The following PARD3B variants were observed in gnomAD, a reference collection of about 807,000 sequenced individuals.
PARD3B encodes partitioning defective 3 homolog B.
In PARD3B, 103 loss-of-function variants were observed where a neutral mutation model predicts 130.2. The ratio of observed to expected loss-of-function variants is 0.79; its 90% confidence interval spans 0.67 to 0.93. The LOEUF (loss-of-function observed/expected upper bound fraction) is 0.93. PARD3B is among the 40% of genes least tolerant of loss of function. The pLI is 0.00. For missense variants in PARD3B, 1,609 were observed against 1,499.2 expected (o/e 1.07, Z -1.21); for synonymous variants, 583 against 553.2 (o/e 1.05, Z -0.76).
At chr2:205,426,215 G>C (rs893154640) in intron 19 of PARD3B, among the ~76,000 whole-genome samples, 1 of 152,016 alleles carries the variant, frequency 6.6e-6, no homozygotes, top group Admixed American at 6.6e-5. Flanking sequence ...CACAAAGATT[G>C]CATGTAACAT....
At chr2:204,686,672 A>G (rs978672805) in intron 2 of PARD3B, among the ~76,000 whole-genome samples, 3 of 152,200 alleles carry the variant, frequency 2.0e-5, no homozygotes, top group Non-Finnish European at 4.4e-5. Flanking sequence ...ACAATGGGGC[A>G]GCAAGTTTTA....
At chr2:204,671,121 G>A (rs1481837099) in intron 1 of PARD3B, among the ~76,000 whole-genome samples, 1 of 152,114 alleles carries the variant, frequency 6.6e-6, no homozygotes, top group Non-Finnish European at 1.5e-5. Context: ...TTTTGGTGGA[G>A]CACATTCGTC....
At chr2:205,133,584 T>A (rs2032208915) in intron 10 of PARD3B, among the ~76,000 whole-genome samples, 1 of 152,228 alleles carries the variant, frequency 6.6e-6, no homozygotes, top group Non-Finnish European at 1.5e-5. Context: ...TTAGTGGCTA[T>A]TGCTGACTAG....
At chr2:205,438,310 G>A (rs915842924) in intron 19 of PARD3B, among the ~76,000 whole-genome samples, 1 of 152,088 alleles carries the variant, frequency 6.6e-6, no homozygotes, top group Non-Finnish European at 1.5e-5. Flanking sequence ...ATGAAATAAG[G>A]AACACAGATA....
intron 13 of PARD3B, among the ~76,000 whole-genome samples, chr2:205,178,255 A>G (rs2035596136): frequency 6.9e-6 from 1 of 145,216 alleles, no homozygotes; most frequent in Non-Finnish European, 1.5e-5. Flanking sequence ...AGCTGACTTT[A>G]CTTAGTATAC....
intron 2 of PARD3B, among the ~76,000 whole-genome samples, chr2:204,897,009 AAATT>A (rs2046663024): frequency 6.6e-6 from 1 of 152,354 alleles, no homozygotes; most frequent in South Asian, 2.1e-4. Flanking sequence ...TAATAAAAGG[AAATT>A]AATTGTGTGC....
intron 2 of PARD3B, among the ~76,000 whole-genome samples, chr2:204,779,239 AT>A (rs1051167479): frequency 3.3e-5 from 5 of 151,960 alleles, no homozygotes; most frequent in African/African-American, 1.2e-4. Context: ...CTATATAATT[AT>A]TTTTTTAGCG....
intron 19 of PARD3B, among the ~76,000 whole-genome samples, chr2:205,418,275 C>A (rs1330600610): frequency 6.6e-6 from 1 of 152,096 alleles, no homozygotes; most frequent in Non-Finnish European, 1.5e-5. Context: ...GGGTAGATAT[C>A]TTCTGCTATG....
At chr2:204,913,583 A>T (rs966374843) in intron 2 of PARD3B, among the ~76,000 whole-genome samples, 3 of 152,136 alleles carry the variant, frequency 2.0e-5, no homozygotes, top group Non-Finnish European at 4.4e-5. Context: ...ATTAGATTAT[A>T]CTTCATTCCT....
intron 2 of PARD3B, among the ~76,000 whole-genome samples, chr2:204,686,832 G>T (rs921613276): frequency 6.6e-6 from 1 of 152,098 alleles, no homozygotes; most frequent in Non-Finnish European, 1.5e-5. Flanking sequence ...GAATAATCTC[G>T]TTGCAAATAT....
intron 16 of PARD3B, among the ~76,000 whole-genome samples, chr2:205,273,126 C>G (rs965765940): frequency 2.6e-5 from 4 of 152,186 alleles, no homozygotes; most frequent in African/African-American, 7.2e-5. Flanking sequence ...GTTCTCTGAA[C>G]AGCAACTAAC....
chr2:205,133,984 C>A (rs1466796112), intron 10 of PARD3B, among the ~76,000 whole-genome samples: 1 of 152,154 alleles, frequency 6.6e-6, no homozygotes, highest in Non-Finnish European at 1.5e-5. Context: ...TCCCTTCTTC[C>A]TTTCCTCTTA....
chr2:204,999,162 C>A (rs929698356), intron 3 of PARD3B, among the ~76,000 whole-genome samples: 3 of 150,848 alleles, frequency 2.0e-5, no homozygotes, highest in Non-Finnish European at 4.4e-5. Context: ...TTAAGATCAT[C>A]CTATAATTTC....
intron 21 of PARD3B, among the ~76,000 whole-genome samples, chr2:205,514,756 T>G (rs966691810): frequency 1.3e-5 from 2 of 151,968 alleles, no homozygotes; most frequent in African/African-American, 4.8e-5. Context: ...CTCCAGGCTT[T>G]CTTTATTCTC....
Position 204,873,860 on chromosome 2 carries a change from T to C in PARD3B, c.223-91292T>C, listed in dbSNP as rs141944838. On this transcript the variant is annotated intron_variant, in intron 2 of 22. Transcript: ENST00000406610. ...GCAGATAGGAATAAAACAAAACTAA[T>C]GGCCATGTGTGGTGGCTCACACCTG... Among the ~76,000 whole-genome samples, 27 of 152,138 alleles carry C rather than the reference T, an allele frequency of 1.8e-4. No individual in the cohort carries two copies. In the East Asian group the frequency reaches 5.0e-3, roughly 28 times the overall value.
At chr2:205,190,442 A>G (rs144829112) in intron 14 of PARD3B, among the ~76,000 whole-genome samples, 47 of 152,340 alleles carry the variant, frequency 3.1e-4, no homozygotes, top group African/African-American at 1.1e-3. Context: ...GCACCATTCT[A>G]TTGAAACAAA....
At chr2:205,342,030 G>C (rs2105811827) in intron 18 of PARD3B, among the ~76,000 whole-genome samples, 1 of 152,174 alleles carries the variant, frequency 6.6e-6, no homozygotes, top group African/African-American at 2.4e-5. Flanking sequence ...ATTACTCATT[G>C]TTCCATCTGG....
At chr2:205,457,024 A>G (rs2106213439) in intron 20 of PARD3B, among the ~76,000 whole-genome samples, 1 of 151,422 alleles carries the variant, frequency 6.6e-6, no homozygotes, top group South Asian at 2.1e-4. Context: ...GGAAAGTATT[A>G]CCTCCCCTTC....
At chr2:204,576,639 A>G (rs1360587768) in intron 1 of PARD3B, among the ~76,000 whole-genome samples, 1 of 152,134 alleles carries the variant, frequency 6.6e-6, no homozygotes, top group African/African-American at 2.4e-5. Context: ...ATGAATATAC[A>G]TGCTTGAGTG....
Sources: allele counts gnomAD v4.1 joint callset (sites outside exome capture counted in the v4.1 genomes callset), GRCh38; gene constraint gnomAD v4.1.1; transcripts MANE v1.5; gene names NCBI Gene and HGNC (gene_info 2026-07-23, HGNC 2026-07-21).